The following ADH1B variants were observed in gnomAD, a reference collection of about 807,000 sequenced individuals.
ADH1B encodes the protein all-trans-retinol dehydrogenase [NAD(+)] ADH1B.
Under a neutral mutation model 34.6 loss-of-function variants are expected in ADH1B, and 29 were observed. The ratio of observed to expected loss-of-function variants is 0.84; its 90% CI spans 0.62 to 1.14. The LOEUF is 1.14. Among genes scored for constraint, ADH1B ranks in the 50% most tolerant of loss-of-function variants. The pLI, the probability that ADH1B is intolerant of heterozygous loss-of-function variation, is 0.00. For missense variants in ADH1B, 424 were observed against 468.4 expected (o/e 0.91, Z 0.87); for synonymous variants, 170 against 175.5 (o/e 0.97, Z 0.25).
At chr4:99,309,701 A>C (rs1355492594) in intron 8 of ADH1B, among the ~76,000 whole-genome samples, 1 of 152,176 alleles carries the variant, frequency 6.6e-6, no homozygotes, top group Non-Finnish European at 1.5e-5. Flanking sequence ...TGCTAAAAAC[A>C]AGATCTACTT....
intron 1 of ADH1B, chr4:99,320,779 A>T: frequency 8.9e-7 from 1 of 1,127,914 alleles, no homozygotes; most frequent in South Asian, 2.1e-5. Context: ...TTGCATGTTG[A>T]TGTCTTGCTT....
At chr4:99,310,476 G>A (rs568558160) in intron 8 of ADH1B, 1 of 360,148 alleles carries the variant, frequency 2.8e-6, no homozygotes, top group Non-Finnish European at 5.1e-6. Context: ...TTTTTGTGGG[G>A]TTTTTTTTGG....
intron 3 of ADH1B, chr4:99,317,705 A>G (rs966240616): frequency 1.2e-5 from 3 of 251,096 alleles, no homozygotes; most frequent in Non-Finnish European, 2.2e-5. Flanking sequence ...CTGACAGAAG[A>G]CAGTGTTCAG....
intron 7 of ADH1B, 116 bp from the exon 8 acceptor site, chr4:99,311,019 A>C (rs1176763927): frequency 8.0e-7 from 1 of 1,244,014 alleles, no homozygotes; most frequent in South Asian, 1.3e-5. Flanking sequence ...GACTGCTATA[A>C]CTGAGGATAA....
At chr4:99,308,580 G>T (rs1733673541) in intron 8 of ADH1B, among the ~76,000 whole-genome samples, 1 of 151,738 alleles carries the variant, frequency 6.6e-6, no homozygotes, top group Non-Finnish European at 1.5e-5. Flanking sequence ...ATTACAAATG[G>T]AACATTTACA....
At position 99,321,362 on chromosome 4, in the gene ADH1B, A is replaced by C. The variant is rs762459820; in HGVS notation, c.-31T>G. On this transcript the variant is annotated 5_prime_UTR_variant, in exon 1 of 9. Transcript: ENST00000305046. ...TTCTGTCTTCTCTGCCCACCAGCAG[A>C]CTGTGAGTCTTTGTGGATTTCTTCT... 1 of 1,610,288 alleles carries C rather than the reference A, an allele frequency of 6.2e-7. No individual in the cohort carries two copies. The highest frequency in any genetic ancestry group is 8.5e-7 in the Non-Finnish European group (1 of 1,177,532).
rs1733725495 is a variant in ADH1B at position 99,310,616 on chromosome 4, A to G, written c.1103+149T>C. ...ACTGTTTTCAACTTCTCACAGTATG[A>G]TCCTACATACGCTCCATGCAAAGAC... On this transcript the variant is annotated intron_variant, in intron 8 of 8. Coordinates refer to ENST00000305046, the MANE Select transcript of ADH1B (RefSeq NM_000668.6). 4 of 1,118,778 alleles carry G rather than the reference A, an allele frequency of 3.6e-6. No homozygotes were observed. In the African/African-American group the frequency reaches 6.4e-5, roughly 18 times the overall value. The allele number at this position is 1,118,778 out of a possible 1,614,324, so 69.3% of individuals were successfully genotyped here.
At chr4:99,318,342 G>T in intron 2 of ADH1B, 158 bp from the exon 3 acceptor site, 1 of 956,650 alleles carries the variant, frequency 1.0e-6, no homozygotes. Context: ...TTATCCCCAA[G>T]GTTATTCAGT....
intron 1 of ADH1B, 131 bp from the exon 2 acceptor site, chr4:99,319,017 A>G (rs759320890): frequency 1.0e-6 from 1 of 968,686 alleles, no homozygotes. Flanking sequence ...ATGGAAATGA[A>G]GTACTCTGGT....
At chr4:99,314,113 A>C in intron 5 of ADH1B, 32 bp from the exon 6 acceptor site, 1 of 1,608,976 alleles carries the variant, frequency 6.2e-7, no homozygotes, top group South Asian at 1.1e-5. Context: ...AAATAGATTA[A>C]GTGATGATTG....
At chr4:99,308,601 T>C (rs1449524774) in intron 8 of ADH1B, among the ~76,000 whole-genome samples, 2 of 152,078 alleles carry the variant, frequency 1.3e-5, no homozygotes, top group Non-Finnish European at 2.9e-5. Context: ...CTAGAACTAA[T>C]GCCCTTTCTA....
chr4:99,321,394 G>A lies in ADH1B; in HGVS notation c.-63C>T. On this transcript the variant is annotated 5_prime_UTR_variant, in exon 1 of 9. Transcript: ENST00000305046. ...GTCTTTGTGGATTTCTTCTCTGCTT[G>A]AGTGCATAAAGCAGATATATTGCAC... 1 of 1,507,304 alleles carries A rather than the reference G, an allele frequency of 6.6e-7. No individual in the cohort carries two copies. Among genetic ancestry groups the A allele is most frequent in the Non-Finnish European group, 9.2e-7 (1 of 1,086,382 alleles). The allele number at this position is 1,507,304 out of a possible 1,614,324, so 93.4% of individuals were successfully genotyped here.
intron 2 of ADH1B, 162 bp downstream of exon 2, chr4:99,318,623 T>A (rs1560530005): frequency 1.4e-6 from 1 of 723,482 alleles, no homozygotes; most frequent in Non-Finnish European, 2.2e-6. Context: ...TTTTTAAAAA[T>A]TTAAAATTTA....
At chr4:99,320,491 C>T (rs1322662794) in intron 1 of ADH1B, 11 of 160,240 alleles carry the variant, frequency 6.9e-5, no homozygotes, top group Non-Finnish European at 1.5e-4. Context: ...CATAGTTGCA[C>T]AGGTTTATGT....
chr4:99,320,820 A>G lies in ADH1B; in HGVS notation c.18+494T>C, dbSNP rs987709664. 8.2e-6 allele frequency: 10 copies of G among 1,214,532 alleles called. No individual in the cohort carries two copies. The Middle Eastern group carries it at 1.4e-3, about 168-fold the overall frequency. The allele number at this position is 1,214,532 out of a possible 1,614,324, so 75.2% of individuals were successfully genotyped here. A position where few individuals can be genotyped will look rare whatever the true frequency, so the allele number is the denominator to read the frequency against. On this transcript the variant is annotated intron_variant, in intron 1 of 8. Transcript: ENST00000305046. The stretch of plus-strand genomic sequence containing the variant: ...TGATGATTCTAATGCTGTGAAATCA[A>G]TGAGTATTTTGTAAGATATTTTATA...
intron 3 of ADH1B, 174 bp from the exon 4 acceptor site, chr4:99,316,476 T>G: frequency 1.3e-6 from 1 of 774,738 alleles, no homozygotes; most frequent in Non-Finnish European, 2.0e-6. Context: ...GTTTTCAGTT[T>G]GAGTTTATAA....
chr4:99,308,852 ATGTTTTAC>A (rs1467503716), intron 8 of ADH1B, among the ~76,000 whole-genome samples: 2 of 152,072 alleles, frequency 1.3e-5, no homozygotes, highest in Admixed American at 1.3e-4. Context: ...AAATCTGTGC[ATGTTTTAC>A]TGTTTTTGAT....
rs1412789781 is a variant in ADH1B at position 99,307,187 on chromosome 4, A to T, written c.*653T>A. 1.3e-5 allele frequency: 2 copies of T among 152,242 alleles called. No individual in the cohort carries two copies. Among genetic ancestry groups the T allele is most frequent in the Admixed American group, 1.3e-4 (2 of 15,288 alleles). 9.4% of individuals were successfully genotyped at this position (152,242 alleles called of 1,614,324 possible). A position where few individuals can be genotyped will look rare whatever the true frequency, so the allele number is the denominator to read the frequency against. ...CAAGAAATCTGCTATTATTTTAAAA[A>T]ATCAATTGTATATCGACCATAAAGA... On this transcript the variant is annotated 3_prime_UTR_variant, in exon 9 of 9. Transcript: ENST00000305046.
At position 99,305,501 on chromosome 4, in the gene ADH1B, C is replaced by CATATATATATATATATAT. The variant is rs71996730; in HGVS notation, c.*2321_*2338dup. The CATATATATATATATATAT allele has an allele frequency of 2.1e-5, 2 of 94,380 alleles. No homozygotes were observed. The highest frequency in any genetic ancestry group is 9.5e-5 in the African/African-American group (2 of 20,948). The allele number at this position is 94,380 out of a possible 1,614,324, so 5.8% of individuals were successfully genotyped here. On this transcript the variant is annotated 3_prime_UTR_variant, in exon 9 of 9. Coordinates refer to ENST00000305046, the MANE Select transcript of ADH1B (RefSeq NM_000668.6). ...AGCCAATACTTTCTACACTGGAATA[C>CATATATATATATATATAT]ATATATATATATATATATATATACA...
Sources: gnomAD v4.1 joint callset for allele counts (sites outside exome capture counted in the v4.1 genomes callset) on GRCh38, gnomAD v4.1.1 for gene constraint, MANE v1.5 for transcripts, NCBI Gene and HGNC (gene_info 2026-07-23, HGNC 2026-07-21) for gene names.